The following TFRC variants were observed in gnomAD, a reference collection of about 807,000 sequenced individuals.
TFRC encodes transferrin receptor protein 1.
TFRC carries 35 observed loss-of-function variants against 85.8 expected under a neutral mutation model. The ratio of observed to expected loss-of-function variants is 0.41; its 90% CI spans 0.31 to 0.54. The LOEUF (loss-of-function observed/expected upper bound fraction) is 0.54, where lower values mean the gene tolerates loss of function less well. Ranked by LOEUF, TFRC falls within the 20% of genes least tolerant of loss-of-function variation. TFRC has a pLI of 0.31. For missense variants in TFRC, 828 were observed against 921.5 expected (o/e 0.90, Z 1.31); for synonymous variants, 362 against 328.6 (o/e 1.10, Z -1.10).
At position 196,049,778 on chromosome 3, in the gene TFRC, A is replaced by G. The variant is rs1716159625; in HGVS notation, c.*2164T>C. ...TGACCTTTTCACTTAGCTACGCTAA[A>G]TGTCAGTCCAAGATAAAAGAGGAGA... is the stretch of plus-strand genomic sequence containing the variant. On this transcript the variant is annotated 3_prime_UTR_variant, in exon 19 of 19. Transcript: ENST00000360110. The G allele has an allele frequency of 4.3e-6, 1 of 230,148 alleles. No individual in the cohort carries two copies. Among genetic ancestry groups the G allele is most frequent in the Non-Finnish European group, 8.6e-6 (1 of 116,104 alleles). The allele number at this position is 230,148 out of a possible 1,614,324, so 14.3% of individuals were successfully genotyped here.
In TFRC at chr3:196,065,697, A is replaced by C. The variant is rs1050066112; in HGVS notation, c.1041-97T>G. ...TTACAGATTAAGAGGACATATAAAC[A>C]AAACTTACTCTCAGCCCGGCGAAGT... is the stretch of plus-strand genomic sequence containing the variant. On this transcript the variant is annotated intron_variant, in intron 9 of 18. Coordinates refer to ENST00000360110, the MANE Select transcript of TFRC (RefSeq NM_001128148.3). The C allele has an allele frequency of 2.9e-6, 4 of 1,368,114 alleles. No individual in the cohort carries two copies. The Admixed American group carries it at 1.0e-4, about 36-fold the overall frequency. 84.7% of individuals were successfully genotyped at this position (1,368,114 alleles called of 1,614,324 possible). A position where few individuals can be genotyped will look rare whatever the true frequency, so the allele number is the denominator to read the frequency against.
chr3:196,073,609 G>A (rs1212698331), intron 4 of TFRC, among the ~76,000 whole-genome samples: 1 of 152,162 alleles, frequency 6.6e-6, no homozygotes, highest in Non-Finnish European at 1.5e-5. Context: ...GCAAAGCAGA[G>A]CTTAGTACAA....
Position 196,074,138 on chromosome 3 carries a change from A to C in TFRC, c.239-13T>G. 1 of 1,604,068 alleles carries C rather than the reference A, an allele frequency of 6.2e-7. No homozygotes were observed. Among genetic ancestry groups the C allele is most frequent in the Non-Finnish European group, 8.5e-7 (1 of 1,173,558 alleles). ...CCAATCATAAATCCTAAAGAGACAA[A>C]GTTCCAGAGCTGAACTCAGAATTTC... On this transcript the variant is annotated splice_polypyrimidine_tract_variant and intron_variant, in intron 3 of 18. Coordinates refer to ENST00000360110, the MANE Select transcript of TFRC (RefSeq NM_001128148.3).
At chr3:196,060,771 C>G (rs1156515992) in intron 13 of TFRC, among the ~76,000 whole-genome samples, 1 of 118,498 alleles carries the variant, frequency 8.4e-6, no homozygotes, top group Non-Finnish European at 1.6e-5. Flanking sequence ...GCACTCCAGC[C>G]TGGGTGACAA....
At chr3:196,065,104 A>C (rs1717603705) in intron 10 of TFRC, among the ~76,000 whole-genome samples, 1 of 152,008 alleles carries the variant, frequency 6.6e-6, no homozygotes, top group Non-Finnish European at 1.5e-5. Context: ...CTCTACTAAA[A>C]ATACAAAATT....
At chr3:196,061,188 G>A (rs975103062) in intron 13 of TFRC, among the ~76,000 whole-genome samples, 7 of 152,034 alleles carry the variant, frequency 4.6e-5, no homozygotes, top group Admixed American at 4.6e-4. Context: ...TCAATTTTCT[G>A]CTGCCAGTGA....
intron 16 of TFRC, chr3:196,055,593 G>C (rs925778293): frequency 2.3e-6 from 1 of 428,892 alleles, no homozygotes; most frequent in African/African-American, 2.0e-5. Flanking sequence ...CCTTAAGGCT[G>C]TATGTTTTTC....
intron 4 of TFRC, among the ~76,000 whole-genome samples, chr3:196,073,174 C>G (rs748501857): frequency 2.6e-5 from 4 of 151,264 alleles, no homozygotes. Context: ...GAGCTGAAAT[C>G]GTGCCACTGC....
rs1367324934 is a variant in TFRC at position 196,077,032 on chromosome 3, C to T, written c.36+32G>A. 1.9e-6 allele frequency: 3 copies of T among 1,603,216 alleles called. No homozygotes were observed. The Admixed American group carries it at 5.0e-5, about 27-fold the overall frequency. ...CATGCTTGTATATTTCACATTCTTGCAGACACAGAAATACAACTGAAAATA... is the reference window on the plus strand; with the variant it reads ...CATGCTTGTATATTTCACATTCTTGTAGACACAGAAATACAACTGAAAATA... On this transcript the variant is annotated intron_variant, in intron 2 of 18. Coordinates refer to ENST00000360110, the MANE Select transcript of TFRC (RefSeq NM_001128148.3).
intron 5 of TFRC, 87 bp downstream of exon 5, chr3:196,071,916 A>C: frequency 6.8e-7 from 1 of 1,466,108 alleles, no homozygotes; most frequent in East Asian, 2.3e-5. Context: ...AAAAAAGCCA[A>C]CAACACTAAC....
chr3:196,054,478 T>G (rs1716609327), intron 17 of TFRC, among the ~76,000 whole-genome samples: 1 of 152,154 alleles, frequency 6.6e-6, no homozygotes, highest in South Asian at 2.1e-4. Flanking sequence ...TTACTTCAAT[T>G]AAGAGATCTG....
Position 196,050,035 on chromosome 3 carries a change from TA to T in TFRC, c.*1906del, listed in dbSNP as rs1716181874. 1 of 231,478 alleles carries T rather than the reference TA, an allele frequency of 4.3e-6. No homozygotes were observed. Among genetic ancestry groups the T allele is most frequent in the East Asian group, 6.1e-5 (1 of 16,378 alleles). 14.3% of individuals were successfully genotyped at this position (231,478 alleles called of 1,614,324 possible). A position where few individuals can be genotyped will look rare whatever the true frequency, so the allele number is the denominator to read the frequency against. ...CATTTAATTGATCACCACGAATGGG[TA>T]GGCAGACGTGTCAGACCTTCAGGGG... On this transcript the variant is annotated 3_prime_UTR_variant, in exon 19 of 19. Transcript: ENST00000360110.
At chr3:196,074,953 A>G (rs1718535801) in intron 3 of TFRC, among the ~76,000 whole-genome samples, 1 of 149,842 alleles carries the variant, frequency 6.7e-6, no homozygotes, top group Non-Finnish European at 1.5e-5. Context: ...AGGCTAAGGC[A>G]GAGAATCGCT....
intron 8 of TFRC, 88 bp from the exon 9 acceptor site, chr3:196,067,745 A>T: frequency 6.8e-7 from 1 of 1,476,412 alleles, no homozygotes; most frequent in East Asian, 2.3e-5. Flanking sequence ...GCTGCAGCCC[A>T]ACCTTAGTTT....
chr3:196,062,821 G>A lies in TFRC; in HGVS notation c.1404+33C>T, dbSNP rs767417722. 6.2e-6 allele frequency: 10 copies of A among 1,602,694 alleles called. No homozygotes were observed. In the East Asian group the frequency reaches 6.7e-5, roughly 11 times the overall value. On this transcript the variant is annotated intron_variant, in intron 12 of 18. Coordinates refer to ENST00000360110, the MANE Select transcript of TFRC (RefSeq NM_001128148.3). ...GACAACAGCCTAAGCCCACAAGCTC[G>A]TGTCCAATATGGGAAGGGATGATAA... is the stretch of plus-strand genomic sequence containing the variant.
In TFRC at chr3:196,056,692, C is replaced by T. The variant is rs549069091; in HGVS notation, c.1678-1391G>A. On this transcript the variant is annotated intron_variant, in intron 16 of 18. Transcript: ENST00000360110. ...CTGGGATTACAGGTATGACCCACCA[C>T]ACTCGGCCAAGCCTCATTATTAAAA... Among the ~76,000 whole-genome samples, 16 of 152,322 alleles carry T rather than the reference C, an allele frequency of 1.1e-4. No individual in the cohort carries two copies. The East Asian group carries it at 2.7e-3, about 26-fold the overall frequency.
intron 5 of TFRC, 48 bp downstream of exon 5, chr3:196,071,955 T>A: frequency 6.3e-7 from 1 of 1,587,988 alleles, no homozygotes; most frequent in South Asian, 1.1e-5. Flanking sequence ...TTAGCACACC[T>A]GAAAATAGCT....
chr3:196,058,109 G>A (rs1343335697), intron 16 of TFRC, 175 bp downstream of exon 16: 2 of 496,042 alleles, frequency 4.0e-6, no homozygotes, highest in African/African-American at 2.0e-5. Context: ...TTACCTCAAA[G>A]TAATTTTGTA....
At chr3:196,063,715 G>T (rs1380065006) in intron 11 of TFRC, among the ~76,000 whole-genome samples, 5 of 152,162 alleles carry the variant, frequency 3.3e-5, no homozygotes. Context: ...TTGAGGTCAG[G>T]AGACTAGCCT....
Sources: gnomAD v4.1 joint callset for allele counts (sites outside exome capture counted in the v4.1 genomes callset) on GRCh38, gnomAD v4.1.1 for gene constraint, MANE v1.5 for transcripts, NCBI Gene and HGNC (gene_info 2026-07-23, HGNC 2026-07-21) for gene names.